CDH5: variants seen among roughly 807,000 people sequenced by gnomAD.
CDH5 encodes cadherin 5, also known as cadherin-5.
In CDH5, 28 loss-of-function variants were observed where a neutral mutation model predicts 62.0. The ratio of observed to expected loss-of-function variants is 0.45; its 90% CI spans 0.33 to 0.62. CDH5 has a LOEUF of 0.62. CDH5 is among the 20% of genes least tolerant of loss of function. The pLI is 0.02. For synonymous variants in CDH5, 464 were observed against 445.8 expected (o/e 1.04, Z -0.52); for missense variants, 940 against 1,065.1 (o/e 0.88, Z 1.63).
intron 5 of CDH5, 40 bp downstream of exon 5, chr16:66,389,562 A>T (rs760953455): frequency 6.7e-7 from 1 of 1,491,824 alleles, no homozygotes; most frequent in Non-Finnish European, 9.0e-7. Context: ...GGGGGCTGGG[A>T]TACCCCAGAC....
intron 8 of CDH5, 60 bp downstream of exon 8, chr16:66,396,261 A>C: frequency 6.2e-7 from 1 of 1,601,762 alleles, no homozygotes; most frequent in Non-Finnish European, 8.5e-7. Flanking sequence ...ATTCTTCCAA[A>C]ACTGGCATAA....
intron 11 of CDH5, among the ~76,000 whole-genome samples, chr16:66,402,246 C>T (rs1567469599): frequency 6.6e-6 from 1 of 151,348 alleles, no homozygotes; most frequent in Non-Finnish European, 1.5e-5. Flanking sequence ...TTTAGAAGCT[C>T]TCTGCACTTC....
intron 8 of CDH5, among the ~76,000 whole-genome samples, chr16:66,397,245 G>C (rs528004276): frequency 6.6e-6 from 1 of 151,872 alleles, no homozygotes; most frequent in African/African-American, 2.4e-5. Flanking sequence ...AGAGAAACAG[G>C]GTCTCACTCT....
rs144471594 is a variant in CDH5 at position 66,394,439 on chromosome 16, T to C, written c.1218-1620T>C. On this transcript the variant is annotated intron_variant, in intron 7 of 11. Transcript: ENST00000341529. The stretch of plus-strand genomic sequence containing the variant: ...TGAAATGCTTTGTGTTTAACCTATT[T>C]ACATTTTTCATCATAATTGATATGT... 2.6e-5 allele frequency among the ~76,000 whole-genome samples: 4 copies of C among 152,356 alleles called. No individual in the cohort carries two copies. In the East Asian group the frequency reaches 7.7e-4, roughly 29 times the overall value.
chr16:66,398,584 C>A, intron 10 of CDH5, 23 bp downstream of exon 10: 1 of 1,264,428 alleles, frequency 7.9e-7, no homozygotes, highest in South Asian at 1.2e-5. Context: ...GTAATCAGTT[C>A]AGCTGGGCGT....
At chr16:66,381,638 G>C (rs1482925229) in intron 2 of CDH5, among the ~76,000 whole-genome samples, 1 of 152,214 alleles carries the variant, frequency 6.6e-6, no homozygotes, top group African/African-American at 2.4e-5. Context: ...CCAAGCACCG[G>C]ACTGGGTGCC....
chr16:66,379,996 G>A, intron 2 of CDH5, among the ~76,000 whole-genome samples: 1 of 15,514 alleles, frequency 6.4e-5, no homozygotes, highest in African/African-American at 2.6e-4. Flanking sequence ...CGGTGATGGT[G>A]GTGATGATAA....
chr16:66,384,042 C>T (rs956065613), intron 2 of CDH5, among the ~76,000 whole-genome samples: 18 of 151,730 alleles, frequency 1.2e-4, no homozygotes, highest in Admixed American at 3.3e-4. Context: ...TTTCTTGAGA[C>T]CCCAGCCTCT....
chr16:66,372,494 CG>C (rs1339329945), intron 1 of CDH5, among the ~76,000 whole-genome samples: 14 of 152,158 alleles, frequency 9.2e-5, no homozygotes, highest in Non-Finnish European at 1.5e-5. Flanking sequence ...TCCTGTGGGC[CG>C]GAGCTATGCC....
intron 10 of CDH5, 103 bp from the exon 11 acceptor site, chr16:66,400,668 G>C (rs6499082): frequency 0.67 from 930,909 of 1,391,948 alleles, 313,476 homozygotes; most frequent in Admixed American, 0.82. Context: ...AGCAGCCCAG[G>C]GAGCACGCAG....
At chr16:66,375,064 C>T (rs1960760793) in intron 1 of CDH5, among the ~76,000 whole-genome samples, 1 of 152,052 alleles carries the variant, frequency 6.6e-6, no homozygotes, top group African/African-American at 2.4e-5. Context: ...AGTGTGCTTA[C>T]ACAAAGAAAT....
At chr16:66,386,153 T>C (rs569011127) in intron 2 of CDH5, among the ~76,000 whole-genome samples, 2 of 152,282 alleles carry the variant, frequency 1.3e-5, no homozygotes, top group East Asian at 3.9e-4. Flanking sequence ...TTTTTTCCAC[T>C]CAAAAAATGT....
intron 10 of CDH5, among the ~76,000 whole-genome samples, chr16:66,400,153 A>G (rs1480126732): frequency 6.6e-6 from 1 of 152,238 alleles, no homozygotes; most frequent in African/African-American, 2.4e-5. Context: ...TCTTGGGTAC[A>G]GGAAACCACT....
Position 66,396,130 on chromosome 16 carries a change from A to G in CDH5, c.1289A>G (p.Glu430Gly), listed in dbSNP as rs754965622. 3 of 1,614,230 alleles carry G rather than the reference A, an allele frequency of 1.9e-6. No homozygotes were observed. The highest frequency in any genetic ancestry group is 2.5e-6 in the Non-Finnish European group (3 of 1,180,026). Residue 430 changes from glutamate (E) to glycine (G), a missense_variant, in exon 8 of 12, where the codon GAG (glutamate) becomes GGG (glycine). Transcript: ENST00000341529. ...ACAAAAAAGGGGGACATTTACAATG[A>G]GAAAGAACTGGACAGAGAAGTCTAC... ...RVTKKGDIYN[E>G]KELDREVYPW...
intron 4 of CDH5, 120 bp from the exon 5 acceptor site, chr16:66,389,238 C>A: frequency 1.1e-6 from 1 of 913,288 alleles, no homozygotes. Context: ...AGTTCTCAGC[C>A]CCATTTGCAC....
intron 11 of CDH5, among the ~76,000 whole-genome samples, chr16:66,402,043 C>T (rs55992632): frequency 0.1 from 15,916 of 152,118 alleles, 935 homozygotes; most frequent in Middle Eastern, 0.21. Flanking sequence ...ATGGCATCCC[C>T]ACCACAAATA....
Position 66,379,542 on chromosome 16 carries a change from G to C in CDH5, c.205G>C (p.Gly69Arg). The change falls in exon 2 of 12, where the codon GGC (glycine) becomes CGC (arginine). Residue 69 changes from glycine (G) to arginine (R), a missense_variant. Gly to Arg is a moderately radical substitution (Grantham distance 125). Transcript: ENST00000341529. The stretch of plus-strand genomic sequence containing the variant: ...AAACACCTCACTTCCCCATCATGTA[G>C]GCAAGGTAAGGCTCAAGCCCCAGGA... ...EKNTSLPHHV[G>R]KIKSSVSRKN... 1 of 1,614,060 alleles carries C rather than the reference G, an allele frequency of 6.2e-7. No homozygotes were observed.
Position 66,378,778 on chromosome 16 carries a change from A to G in CDH5, c.-19-541A>G, listed in dbSNP as rs539882890. 2.6e-4 allele frequency among the ~76,000 whole-genome samples: 40 copies of G among 152,194 alleles called. 1 individual carries two copies. The South Asian group carries it at 4.2e-3, about 16-fold the overall frequency. ...GCAAGTAGAAATGGTTTCCACGTCT[A>G]TTTTCACCCTCCCCAGTTCGGAGTT... On this transcript the variant is annotated intron_variant, in intron 1 of 11. Transcript: ENST00000341529.
At chr16:66,401,967 C>A (rs1961290829) in intron 11 of CDH5, among the ~76,000 whole-genome samples, 1 of 152,174 alleles carries the variant, frequency 6.6e-6, no homozygotes, top group Non-Finnish European at 1.5e-5. Flanking sequence ...AGAGTGGCCT[C>A]GGTATGCCCG....
Sources: allele counts gnomAD v4.1 joint callset (sites outside exome capture counted in the v4.1 genomes callset), GRCh38; gene constraint gnomAD v4.1.1; transcripts MANE v1.5; gene names NCBI Gene and HGNC (gene_info 2026-07-23, HGNC 2026-07-21).